The following CRB1 variants were observed in gnomAD, a reference collection of about 807,000 sequenced individuals.
CRB1 encodes protein crumbs homolog 1.
A neutral mutation model predicts 120.0 loss-of-function variants in CRB1; 83 were observed. The observed-to-expected ratio is 0.69, with a 90% CI of 0.58 to 0.83. The LOEUF is 0.83. Among genes scored for constraint, CRB1 ranks in the 40% least tolerant of loss-of-function variants. The probability of loss-of-function intolerance (pLI) is 0.00; values close to 1 mark genes in which losing one functional copy is unlikely to be tolerated. For synonymous variants in CRB1, 625 were observed against 612.5 expected (o/e 1.02, Z -0.30); for missense variants, 1,699 against 1,687.6 (o/e 1.01, Z -0.12).
chr1:197,361,177 G>C (rs923584364), intron 5 of CRB1, among the ~76,000 whole-genome samples: 14 of 150,060 alleles, frequency 9.3e-5, no homozygotes, highest in African/African-American at 3.4e-4. Flanking sequence ...GAAAGTTATT[G>C]GTCTATAGTT....
intron 5 of CRB1, among the ~76,000 whole-genome samples, chr1:197,408,283 TGAAGA>T (rs1663522809): frequency 6.6e-6 from 1 of 151,942 alleles, no homozygotes; most frequent in Admixed American, 6.6e-5. Flanking sequence ...TTTAAAAAAC[TGAAGA>T]GAAAGTAGCA....
intron 1 of CRB1, among the ~76,000 whole-genome samples, chr1:197,269,715 C>A (rs1390642975): frequency 6.6e-6 from 1 of 152,014 alleles, no homozygotes; most frequent in Non-Finnish European, 1.5e-5. Context: ...CATTTTATGG[C>A]AAACAGCTTT....
At chr1:197,243,761 T>G in the CRB1 span, among the ~76,000 whole-genome samples, 5 of 152,172 alleles carry the variant, frequency 3.3e-5, no homozygotes, top group African/African-American at 1.2e-4. Flanking sequence ...CTGTCTAATA[T>G]TGACAGTGGG....
At chr1:197,330,304 C>T (rs1289368465) in intron 2 of CRB1, among the ~76,000 whole-genome samples, 2 of 152,176 alleles carry the variant, frequency 1.3e-5, no homozygotes, top group East Asian at 1.9e-4. Flanking sequence ...ACCTCCCAGA[C>T]GTTCTACTTA....
chr1:197,456,163 T>C (rs538533536), intron 11 of CRB1, among the ~76,000 whole-genome samples: 1 of 152,134 alleles, frequency 6.6e-6, no homozygotes, highest in Non-Finnish European at 1.5e-5. Flanking sequence ...TTATTTAAAG[T>C]GGGAAAATAT....
intron 5 of CRB1, among the ~76,000 whole-genome samples, chr1:197,400,483 T>A (rs1663008576): frequency 6.6e-6 from 1 of 151,240 alleles, no homozygotes; most frequent in Non-Finnish European, 1.5e-5. Flanking sequence ...TTTTTTTTTT[T>A]TGATGATGAT....
intron 1 of CRB1, among the ~76,000 whole-genome samples, chr1:197,327,606 T>G (rs1049407591): frequency 6.6e-6 from 1 of 152,262 alleles, no homozygotes; most frequent in Non-Finnish European, 1.5e-5. Flanking sequence ...TGGTCAAATT[T>G]GTTTTTACTT....
chr1:197,239,928 CA>C, the CRB1 span, among the ~76,000 whole-genome samples: 4 of 149,990 alleles, frequency 2.7e-5, no homozygotes, highest in African/African-American at 9.7e-5. Context: ...ACATGTCTAT[CA>C]TAGTCTATTT....
At chr1:197,237,233 C>T in the CRB1 span, among the ~76,000 whole-genome samples, 1 of 152,126 alleles carries the variant, frequency 6.6e-6, no homozygotes, top group South Asian at 2.1e-4. Flanking sequence ...TTACCTTTCT[C>T]AGACCATTCT....
chr1:197,393,430 T>G (rs1383515968), intron 5 of CRB1, among the ~76,000 whole-genome samples: 1 of 152,086 alleles, frequency 6.6e-6, no homozygotes, highest in African/African-American at 2.4e-5. Context: ...TAGCTAATAT[T>G]TCCAGTGAAA....
Position 197,356,836 on chromosome 1 carries a change from A to T in CRB1, c.994A>T (p.Thr332Ser), listed in dbSNP as rs1660503350. ...TCTGAATTTTCATCATGCAGGATAC[A>T]CAGGTGCCCAGTGTGAGATCGACCT... ...NYTCHCWPGY[T>S]GAQCEIDLNE... Residue 332 changes from threonine to serine, a missense_variant, in exon 5 of 12, where the codon ACA (threonine) becomes TCA (serine). Thr to Ser is a moderately conservative substitution (Grantham distance 58). Transcript: ENST00000367400. 2 of 1,614,216 alleles carry T rather than the reference A, an allele frequency of 1.2e-6. No homozygotes were observed. Among genetic ancestry groups the T allele is most frequent in the Admixed American group, 1.7e-5 (1 of 60,028 alleles).
At chr1:197,238,870 A>G in the CRB1 span, among the ~76,000 whole-genome samples, 7 of 152,154 alleles carry the variant, frequency 4.6e-5, no homozygotes, top group African/African-American at 1.7e-4. Flanking sequence ...CAGCTATTAT[A>G]AAAACAAGAC....
chr1:197,243,796 G>T, the CRB1 span, among the ~76,000 whole-genome samples: 1 of 152,122 alleles, frequency 6.6e-6, no homozygotes, highest in Non-Finnish European at 1.5e-5. Context: ...CACTATTATT[G>T]TGTGGGGGTC....
intron 1 of CRB1, among the ~76,000 whole-genome samples, chr1:197,285,212 C>G (rs957205419): frequency 1.3e-5 from 2 of 151,812 alleles, no homozygotes; most frequent in Admixed American, 6.6e-5. Flanking sequence ...GAAGTTTGTC[C>G]AAGAGCACGG....
the CRB1 span, among the ~76,000 whole-genome samples, chr1:197,246,940 A>C: frequency 5.3e-5 from 8 of 152,204 alleles, no homozygotes; most frequent in South Asian, 4.1e-4. Context: ...AACAGTGAGT[A>C]GAGTACTTCC....
intron 1 of CRB1, among the ~76,000 whole-genome samples, chr1:197,291,810 A>G (rs1344398855): frequency 6.6e-6 from 1 of 151,866 alleles, no homozygotes; most frequent in Non-Finnish European, 1.5e-5. Flanking sequence ...TCATTCCATA[A>G]TGCTCTTTGC....
At chr1:197,209,201 C>G in the CRB1 span, among the ~76,000 whole-genome samples, 494 of 152,332 alleles carry the variant, frequency 3.2e-3, 1 homozygote, top group African/African-American at 0.011. Flanking sequence ...TCCCCACATG[C>G]CTCAGCTTCT....
chr1:197,425,857 C>T (rs1415585089), intron 6 of CRB1, among the ~76,000 whole-genome samples: 2 of 151,876 alleles, frequency 1.3e-5, no homozygotes, highest in African/African-American at 4.8e-5. Context: ...TCTTGTGGCT[C>T]TAAATATCTA....
intron 5 of CRB1, chr1:197,357,782 T>C (rs763571774): frequency 1.3e-5 from 2 of 152,474 alleles, no homozygotes; most frequent in South Asian, 4.1e-4. Flanking sequence ...AAGAAGGGGG[T>C]GTCTATTTAC....
Sources: allele counts gnomAD v4.1 joint callset (sites outside exome capture counted in the v4.1 genomes callset), GRCh38; gene constraint gnomAD v4.1.1; transcripts MANE v1.5; gene names NCBI Gene and HGNC (gene_info 2026-07-23, HGNC 2026-07-21).